POFUT3: variants seen among roughly 807,000 people sequenced by gnomAD.
The protein encoded by POFUT3 is protein O-fucosyltransferase 3.
chr8:33,384,947 G>A, the POFUT3 span, among the ~76,000 whole-genome samples: 1 of 151,940 alleles, frequency 6.6e-6, no homozygotes, highest in South Asian at 2.1e-4. Context: ...ACAACAATGT[G>A]ACAGTGGGCA....
chr8:33,473,019 C>T, the POFUT3 span: 1 of 152,414 alleles, frequency 6.6e-6, no homozygotes, highest in Non-Finnish European at 1.5e-5. Context: ...CCTACCCCCA[C>T]CAAGAGACCA....
At chr8:33,370,613 G>A in the POFUT3 span, among the ~76,000 whole-genome samples, 1 of 152,182 alleles carries the variant, frequency 6.6e-6, no homozygotes, top group Non-Finnish European at 1.5e-5. Flanking sequence ...CGCTTAGAGA[G>A]GATTTTATCT....
At chr8:33,376,414 G>A in the POFUT3 span, among the ~76,000 whole-genome samples, 1 of 152,138 alleles carries the variant, frequency 6.6e-6, no homozygotes, top group Non-Finnish European at 1.5e-5. Context: ...GGAGATACTA[G>A]GAGTATTTAG....
the POFUT3 span, among the ~76,000 whole-genome samples, chr8:33,320,135 G>T: frequency 1.3e-5 from 2 of 151,874 alleles, no homozygotes; most frequent in Non-Finnish European, 2.9e-5. Flanking sequence ...TCTTATAAAT[G>T]ATTTTATGAG....
At chr8:33,416,681 A>C in the POFUT3 span, among the ~76,000 whole-genome samples, 248 of 152,120 alleles carry the variant, frequency 1.6e-3, 1 homozygote, top group Non-Finnish European at 3.0e-3. Context: ...CCCAGTCTCT[A>C]CTAAAAATAC....
chr8:33,466,546 C>A, the POFUT3 span, among the ~76,000 whole-genome samples: 1 of 151,946 alleles, frequency 6.6e-6, no homozygotes, highest in African/African-American at 2.4e-5. Context: ...AGGGCAGGGC[C>A]CAGCCAGGGT....
At chr8:33,467,271 T>TG in the POFUT3 span, among the ~76,000 whole-genome samples, 1 of 12,208 alleles carries the variant, frequency 8.2e-5, no homozygotes, top group Non-Finnish European at 1.5e-4. Flanking sequence ...AGACTCTGTC[T>TG]CAAAAAAAAA....
At chr8:33,344,578 G>C in the POFUT3 span, among the ~76,000 whole-genome samples, 1 of 152,208 alleles carries the variant, frequency 6.6e-6, no homozygotes, top group African/African-American at 2.4e-5. Flanking sequence ...AATTACAGCA[G>C]CTAATTGGAT....
At chr8:33,402,613 C>T in the POFUT3 span, among the ~76,000 whole-genome samples, 5 of 152,200 alleles carry the variant, frequency 3.3e-5, no homozygotes, top group Non-Finnish European at 7.4e-5. Flanking sequence ...CATTAAGAAT[C>T]CCGAGTAATA....
chr8:33,350,714 A>G, the POFUT3 span, among the ~76,000 whole-genome samples: 2 of 152,144 alleles, frequency 1.3e-5, no homozygotes, highest in African/African-American at 4.8e-5. Context: ...TTGATCATAT[A>G]TATATTTGCA....
chr8:33,309,167 A>AAAAT, the POFUT3 span, among the ~76,000 whole-genome samples: 10 of 53,690 alleles, frequency 1.9e-4, no homozygotes, highest in Middle Eastern at 0.015. Flanking sequence ...AAAAAAAAAA[A>AAAAT]ATATATATAT....
the POFUT3 span, among the ~76,000 whole-genome samples, chr8:33,325,620 T>G: frequency 3.9e-5 from 6 of 152,346 alleles, no homozygotes; most frequent in East Asian, 9.7e-4. Flanking sequence ...TTTACAATAT[T>G]GTAGCAGATT....
At chr8:33,354,219 T>C in the POFUT3 span, among the ~76,000 whole-genome samples, 9 of 152,278 alleles carry the variant, frequency 5.9e-5, no homozygotes, top group African/African-American at 1.7e-4. Flanking sequence ...ACAGAACCGA[T>C]AGGAGATTAC....
chr8:33,344,952 A>G, the POFUT3 span, among the ~76,000 whole-genome samples: 431 of 152,342 alleles, frequency 2.8e-3, 4 homozygotes, highest in African/African-American at 9.6e-3. Context: ...GACACCCTAC[A>G]TGGGTCCCAG....
chr8:33,371,073 G>A, the POFUT3 span: 1 of 152,060 alleles, frequency 6.6e-6, no homozygotes, highest in African/African-American at 2.4e-5. Flanking sequence ...GATGAACAAT[G>A]AAGAATGTTA....
At chr8:33,342,532 T>C in the POFUT3 span, among the ~76,000 whole-genome samples, 1 of 150,608 alleles carries the variant, frequency 6.6e-6, no homozygotes, top group African/African-American at 2.4e-5. Context: ...ACAGAAGATA[T>C]ACAGACAGCA....
the POFUT3 span, chr8:33,453,310 AG>A: frequency 6.2e-7 from 1 of 1,614,214 alleles, no homozygotes; most frequent in South Asian, 1.1e-5. Flanking sequence ...CTAACCTCCC[AG>A]TCTCCCCCGT....
the POFUT3 span, among the ~76,000 whole-genome samples, chr8:33,316,774 A>T: frequency 4.0e-4 from 60 of 151,826 alleles, no homozygotes; most frequent in African/African-American, 1.4e-3. Context: ...AACAGCAAAA[A>T]TTTGTTGTGT....
chr8:33,406,350 T>C, the POFUT3 span, among the ~76,000 whole-genome samples: 4 of 152,170 alleles, frequency 2.6e-5, no homozygotes, highest in Admixed American at 1.3e-4. Context: ...ATAAAAATTC[T>C]GGAAGGATAG....
Sources: allele counts gnomAD v4.1 joint callset (sites outside exome capture counted in the v4.1 genomes callset), GRCh38; gene constraint gnomAD v4.1.1; transcripts MANE v1.5; gene names NCBI Gene and HGNC (gene_info 2026-07-23, HGNC 2026-07-21).